The following PPM1G variants were observed in gnomAD, a reference collection of about 807,000 sequenced individuals.
PPM1G encodes protein phosphatase, Mg2+/Mn2+ dependent 1G.
Under a neutral mutation model 59.4 loss-of-function variants are expected in PPM1G, and 12 were observed. The observed-to-expected ratio is 0.20, with a 90% CI of 0.13 to 0.33. The LOEUF (loss-of-function observed/expected upper bound fraction) is 0.33, where lower values mean the gene tolerates loss of function less well. PPM1G is among the 10% of genes least tolerant of loss of function. PPM1G has a pLI of 1.00. For synonymous variants in PPM1G, 245 were observed against 251.9 expected (o/e 0.97, Z 0.26); for missense variants, 392 against 681.3 (o/e 0.58, Z 4.73).
chr2:27,392,585 C>T (rs554339735), intron 1 of PPM1G, among the ~76,000 whole-genome samples: 4 of 137,266 alleles, frequency 2.9e-5, no homozygotes, highest in Non-Finnish European at 4.5e-5. Context: ...TGAGCCACTA[C>T]GCCAGCCCAC....
Position 27,382,478 on chromosome 2 carries a change from G to A in PPM1G, c.1329C>T (p.Ile443=), listed in dbSNP as rs1683657400. The change falls in exon 8 of 10, where the codon ATC becomes ATT. Residue 443 remains isoleucine (I), a splice_region_variant and synonymous_variant. Transcript: ENST00000344034. This position sits in a 1 kb window ranked among gnomAD's most constrained non-coding sequence, Gnocchi z 4.2. ...TAGGGCATTCTGCCAGTGCTCACCA[G>A]ATGCCATCACAGGCAATGACCATGA... ...HEFMVIACDG[I]WNVMSSQEVV... 6.2e-7 allele frequency: 1 copy of A among 1,614,096 alleles called. No individual in the cohort carries two copies. The highest frequency in any genetic ancestry group is 8.5e-7 in the Non-Finnish European group (1 of 1,180,036).
chr2:27,409,356 G>C lies in PPM1G; in HGVS notation c.67C>G (p.Leu23Val). The C allele has an allele frequency of 6.5e-7, 1 of 1,542,022 alleles. No individual in the cohort carries two copies. Among genetic ancestry groups the C allele is most frequent in the Non-Finnish European group, 8.7e-7 (1 of 1,143,598 alleles). Reference sequence around the variant, plus strand: ...GCGGAGAAGCCGTAGGGCAGCGGCAGGCGCGGGGCGCCGACCCCGTCCCCG... The same window carrying C: ...GCGGAGAAGCCGTAGGGCAGCGGCACGCGCGGGGCGCCGACCCCGTCCCCG... Reference protein sequence around the residue: ...CSGDGVGAPRLPLPYGFSAMQ... With the variant: ...CSGDGVGAPRVPLPYGFSAMQ... The change falls in exon 1 of 10, where the codon CTG (leucine) becomes GTG (valine). Residue 23 changes from leucine (L) to valine (V), a missense_variant. Leu to Val is a conservative substitution (Grantham distance 32, BLOSUM62 1). Around this residue, in one of 6 missense-constraint regions of PPM1G, gnomAD observed 68 missense variants for 145.9 expected, o/e 0.47. Coordinates refer to ENST00000344034, the MANE Select transcript of PPM1G (RefSeq NM_177983.3).
At chr2:27,399,349 T>C (rs1684129156) in intron 1 of PPM1G, among the ~76,000 whole-genome samples, 1 of 152,014 alleles carries the variant, frequency 6.6e-6, no homozygotes, top group South Asian at 2.1e-4. Context: ...CCAAAGAAGA[T>C]ACACAAATGT....
chr2:27,396,863 T>C (rs1328156868), intron 1 of PPM1G, among the ~76,000 whole-genome samples: 1 of 150,294 alleles, frequency 6.7e-6, no homozygotes, highest in Non-Finnish European at 1.5e-5. Flanking sequence ...GTAATTTTTA[T>C]GTTATGAAAA....
At chr2:27,386,008 G>A in intron 3 of PPM1G, 129 bp from the exon 4 acceptor site, 1 of 1,323,390 alleles carries the variant, frequency 7.6e-7, no homozygotes, top group Non-Finnish European at 1.0e-6. Context: ...GATAAAAACA[G>A]CTCAGAGGCC....
In PPM1G at chr2:27,384,805, G is replaced by C. The variant is rs1279664650; in HGVS notation, c.693C>G (p.Gly231=). 1 of 1,614,222 alleles carries C rather than the reference G, an allele frequency of 6.2e-7. No individual in the cohort carries two copies. The highest frequency in any genetic ancestry group is 8.5e-7 in the Non-Finnish European group (1 of 1,180,040). Residue 231 remains glycine, a synonymous_variant, in exon 5 of 10, where the codon GGC becomes GGG. Coordinates refer to ENST00000344034, the MANE Select transcript of PPM1G (RefSeq NM_177983.3). The surrounding 1 kb of genome is among the most constrained non-coding windows in gnomAD (Gnocchi z 4.8). Reference sequence around the variant, plus strand: ...AAGGCCCAGCCTCACCAGTGGGAATGCCAGGCTCACCAACTTGGCCTGCCT... The same window carrying C: ...AAGGCCCAGCCTCACCAGTGGGAATCCCAGGCTCACCAACTTGGCCTGCCT... ...GTEAGQVGEP[G]IPTGEAGPSC... is the part of the protein sequence containing the mutation.
At chr2:27,402,520 T>C (rs1327503842) in intron 1 of PPM1G, among the ~76,000 whole-genome samples, 1 of 152,066 alleles carries the variant, frequency 6.6e-6, no homozygotes, top group African/African-American at 2.4e-5. Flanking sequence ...ATAAAATAAT[T>C]TCTAGACCAG....
rs138813477 is a variant in PPM1G, at chr2:27,384,565, G to C, written c.825+108C>G. On this transcript the variant is annotated intron_variant, in intron 5 of 9. Coordinates refer to ENST00000344034, the MANE Select transcript of PPM1G (RefSeq NM_177983.3). This position sits in a 1 kb window ranked among gnomAD's most constrained non-coding sequence, Gnocchi z 4.8. ...AAAGCTTAGAATACAGTGGGTCTTGGGGGATGATGTCAAAATAGGAGAAGG... is the reference window on the plus strand; with the variant it reads ...AAAGCTTAGAATACAGTGGGTCTTGCGGGATGATGTCAAAATAGGAGAAGG... The C allele has an allele frequency of 2.5e-3, 3,311 of 1,316,666 alleles. 33 individuals carry two copies. The African/African-American group carries it at 0.03, about 12-fold the overall frequency. The allele number at this position is 1,316,666 out of a possible 1,614,324, so 81.6% of individuals were successfully genotyped here. A position where few individuals can be genotyped will look rare whatever the true frequency, so the allele number is the denominator to read the frequency against.
At chr2:27,386,799 G>C (rs951976533) in intron 2 of PPM1G, 5 of 232,176 alleles carry the variant, frequency 2.2e-5, no homozygotes, top group Non-Finnish European at 3.4e-5. Flanking sequence ...GTGATCCACT[G>C]TGCCGGGATT....
At chr2:27,390,183 C>T (rs1683866024) in intron 1 of PPM1G, among the ~76,000 whole-genome samples, 1 of 152,030 alleles carries the variant, frequency 6.6e-6, no homozygotes, top group African/African-American at 2.4e-5. Context: ...CCACGCCCAG[C>T]CAATTTTTGT....
rs574189136 is a variant in PPM1G at position 27,394,310 on chromosome 2, A to C, written c.121-7152T>G. Among the ~76,000 whole-genome samples the C allele has an allele frequency of 2.6e-5, 4 of 152,334 alleles. No individual in the cohort carries two copies. In the South Asian group the frequency reaches 8.3e-4, roughly 32 times the overall value. On this transcript the variant is annotated intron_variant, in intron 1 of 9. Transcript: ENST00000344034. The stretch of plus-strand genomic sequence containing the variant: ...TGCTTTCATCTTCAGGAAACACACT[A>C]TAATGGCTTTAAGCTGTTTCTTAGT...
intron 1 of PPM1G, among the ~76,000 whole-genome samples, chr2:27,400,294 CG>C: frequency 6.6e-6 from 1 of 151,970 alleles, no homozygotes; most frequent in African/African-American, 2.4e-5. Flanking sequence ...CCCAGCTACT[CG>C]GGAGGCTGAG....
intron 2 of PPM1G, 50 bp from the exon 3 acceptor site, chr2:27,386,329 GAAA>G: frequency 3.1e-6 from 4 of 1,310,448 alleles, no homozygotes; most frequent in Non-Finnish European, 4.4e-6. Flanking sequence ...CCCACACATA[GAAA>G]GTGATACAAT....
In PPM1G at chr2:27,382,071, A is replaced by G; in HGVS notation, c.1434+55T>C. On this transcript the variant is annotated intron_variant, in intron 9 of 9. Coordinates refer to ENST00000344034, the MANE Select transcript of PPM1G (RefSeq NM_177983.3). This position sits in a 1 kb window ranked among gnomAD's most constrained non-coding sequence, Gnocchi z 4.2. ...TTGCCGACTTAGCTCAGATTAAAAGAGTGAACCCTGGCTGTGCAGACCAGA... is the reference window on the plus strand; with the variant it reads ...TTGCCGACTTAGCTCAGATTAAAAGGGTGAACCCTGGCTGTGCAGACCAGA... The G allele has an allele frequency of 6.5e-7, 1 of 1,535,806 alleles. No individual in the cohort carries two copies. The highest frequency in any genetic ancestry group is 9.0e-7 in the Non-Finnish European group (1 of 1,110,142).
In PPM1G at chr2:27,381,412, A is replaced by G. The variant is rs4582; in HGVS notation, c.*187T>C. On this transcript the variant is annotated 3_prime_UTR_variant, in exon 10 of 10. Coordinates refer to ENST00000344034, the MANE Select transcript of PPM1G (RefSeq NM_177983.3). ...AGCCCGAGGAGCAGAGGCGGCTGGG[A>G]AGGACAGCAGAGGCTCCCGGCTGCA... 255,005 of 630,790 alleles carry G rather than the reference A, an allele frequency of 0.4. 56,225 individuals carry two copies. The highest frequency in any genetic ancestry group is 0.69 in the African/African-American group (37,696 of 54,362). The allele number at this position is 630,790 out of a possible 1,614,324, so 39.1% of individuals were successfully genotyped here. A position where few individuals can be genotyped will look rare whatever the true frequency, so the allele number is the denominator to read the frequency against.
At position 27,383,308 on chromosome 2, in the gene PPM1G, G is replaced by A; in HGVS notation, c.1201+58C>T. 2.0e-6 allele frequency: 3 copies of A among 1,497,890 alleles called. No homozygotes were observed. The highest frequency in any genetic ancestry group is 1.9e-6 in the Non-Finnish European group (2 of 1,078,582). 92.8% of individuals were successfully genotyped at this position (1,497,890 alleles called of 1,614,324 possible). ...CTAGGAAGATTAAAGTTTGCTACTA[G>A]GTAGTCTGGGACAGAGAGAAAGACC... On this transcript the variant is annotated intron_variant, in intron 7 of 9. Coordinates refer to ENST00000344034, the MANE Select transcript of PPM1G (RefSeq NM_177983.3). The surrounding 1 kb of genome is among the most constrained non-coding windows in gnomAD (Gnocchi z 5.0).
Position 27,382,382 on chromosome 2 carries a change from G to A in PPM1G, c.1331+94C>T, listed in dbSNP as rs540141989. ...GCTCTTCACCCACCAAGAGGCCTAGGTCTGCCTAGGCTCTAATCCTAGAGG... is the reference window on the plus strand; with the variant it reads ...GCTCTTCACCCACCAAGAGGCCTAGATCTGCCTAGGCTCTAATCCTAGAGG... On this transcript the variant is annotated intron_variant, in intron 8 of 9. Transcript: ENST00000344034. This position sits in a 1 kb window ranked among gnomAD's most constrained non-coding sequence, Gnocchi z 4.2. 1.9e-6 allele frequency: 3 copies of A among 1,581,780 alleles called. No homozygotes were observed. The African/African-American group carries it at 4.1e-5, about 21-fold the overall frequency.
chr2:27,394,434 G>A (rs1424659045), intron 1 of PPM1G, among the ~76,000 whole-genome samples: 1 of 151,860 alleles, frequency 6.6e-6, no homozygotes, highest in Non-Finnish European at 1.5e-5. Context: ...TCATTCACAT[G>A]CTCAAGATCT....
intron 1 of PPM1G, chr2:27,393,059 C>T (rs1300913000): frequency 1.9e-5 from 25 of 1,287,164 alleles, no homozygotes; most frequent in Non-Finnish European, 1.7e-5. Flanking sequence ...TGTAATCCAT[C>T]GCATTCAGCC....
Sources: gnomAD v4.1 joint callset for allele counts (sites outside exome capture counted in the v4.1 genomes callset) on GRCh38, gnomAD v4.1.1 for gene constraint, gnomAD v4.1.1 regional missense constraint, Gnocchi (gnomAD v3.1) non-coding constraint, MANE v1.5 for transcripts, NCBI Gene and HGNC (gene_info 2026-07-23, HGNC 2026-07-21) for gene names.